The following MADD variants were observed in gnomAD, a reference collection of about 807,000 sequenced individuals.
MADD encodes MAP kinase activating death domain.
In MADD, 109 loss-of-function variants were observed where a neutral mutation model predicts 176.7. The ratio of observed to expected loss-of-function variants is 0.62; its 90% confidence interval spans 0.53 to 0.72. The LOEUF (loss-of-function observed/expected upper bound fraction) is 0.72. Ranked by LOEUF, MADD falls within the 30% of genes least tolerant of loss-of-function variation. The probability of loss-of-function intolerance (pLI) is 0.00; values close to 1 mark genes in which losing one functional copy is unlikely to be tolerated. For missense variants in MADD, 1,914 were observed against 2,045.5 expected, an observed-to-expected ratio of 0.94 and a Z score of 1.24; for synonymous variants, 771 against 771.3, an observed-to-expected ratio of 1.00 and a Z score of 0.01.
At chr11:47,307,317 T>C (rs547800099) in intron 22 of MADD, among the ~76,000 whole-genome samples, 28 of 152,316 alleles carry the variant, frequency 1.8e-4, no homozygotes, top group Admixed American at 1.8e-3. Flanking sequence ...CAGGAAGCCA[T>C]TCAGCTTCAG....
At chr11:47,300,700 G>A (rs1038371418) in intron 22 of MADD, among the ~76,000 whole-genome samples, 4 of 151,974 alleles carry the variant, frequency 2.6e-5, no homozygotes, top group Non-Finnish European at 5.9e-5. Context: ...GTTTCACCAC[G>A]TTGGCCAGGC....
In MADD at chr11:47,289,015, G is replaced by A. The variant is rs1489503020; in HGVS notation, c.2654-376G>A. ...GGAGATTGTTACTGAAGCCGGCCCC[G>A]GGAGTGGTGAAGGTGGGTCTTGCCT... is the stretch of plus-strand genomic sequence containing the variant. On this transcript the variant is annotated intron_variant, in intron 15 of 32. Coordinates refer to ENST00000402192, the Ensembl canonical transcript of MADD. The A allele has an allele frequency of 3.8e-6, 6 of 1,593,834 alleles. No individual in the cohort carries two copies. The highest frequency in any genetic ancestry group is 5.1e-6 in the Non-Finnish European group (6 of 1,174,810).
exon 6 of MADD, chr11:47,278,277 G>A: frequency 1.2e-6 from 2 of 1,609,108 alleles, no homozygotes; most frequent in Non-Finnish European, 1.7e-6. Context: ...GACAGCAATA[G>A]GGTGAGGTTC....
intron 23 of MADD, chr11:47,309,038 T>C (rs764801800): frequency 3.7e-6 from 6 of 1,614,140 alleles, no homozygotes; most frequent in African/African-American, 1.3e-5. Flanking sequence ...AGACCTTTTC[T>C]ATAAGTAACC....
In MADD at chr11:47,293,877, A is replaced by C; in HGVS notation, c.3302-6A>C. ...CACGGAGTAACAGAAGTCTTCCCCT[A>C]CTCAGGGCCTGAAGTAATCAAACCT... On this transcript the variant is annotated splice_polypyrimidine_tract_variant and splice_region_variant and intron_variant, in intron 19 of 32. Transcript: ENST00000402192. 6.2e-6 allele frequency: 10 copies of C among 1,600,742 alleles called. No homozygotes were observed. Among genetic ancestry groups the C allele is most frequent in the Non-Finnish European group, 8.6e-6 (10 of 1,167,880 alleles).
chr11:47,309,987 G>T (rs899812456), intron 25 of MADD, among the ~76,000 whole-genome samples: 1 of 148,216 alleles, frequency 6.7e-6, no homozygotes, highest in South Asian at 2.2e-4. Context: ...GATTACAGGC[G>T]CACACCACCA....
intron 22 of MADD, among the ~76,000 whole-genome samples, chr11:47,304,518 C>T (rs778891134): frequency 2.6e-5 from 4 of 152,140 alleles, no homozygotes; most frequent in Non-Finnish European, 5.9e-5. Context: ...GTGTGAGCCC[C>T]CACGCCTGGC....
chr11:47,280,672 C>A (rs2055733845), intron 7 of MADD, among the ~76,000 whole-genome samples: 1 of 152,204 alleles, frequency 6.6e-6, no homozygotes, highest in South Asian at 2.1e-4. Flanking sequence ...TCAAGCGAAT[C>A]TCTTGCCTCA....
chr11:47,280,486 G>A (rs1018618971), intron 7 of MADD, among the ~76,000 whole-genome samples: 3 of 150,754 alleles, frequency 2.0e-5, no homozygotes, highest in Non-Finnish European at 3.0e-5. Context: ...TGTGTTTTCA[G>A]TCTTGATGAT....
chr11:47,293,867 G>A lies in MADD; in HGVS notation c.3302-16G>A. The A allele has an allele frequency of 6.4e-7, 1 of 1,562,666 alleles. No individual in the cohort carries two copies. Among genetic ancestry groups the A allele is most frequent in the Non-Finnish European group, 8.8e-7 (1 of 1,133,088 alleles). ...AGCCTTTGTGCACGGAGTAACAGAA[G>A]TCTTCCCCTACTCAGGGCCTGAAGT... On this transcript the variant is annotated splice_polypyrimidine_tract_variant and intron_variant, in intron 19 of 32. Coordinates refer to ENST00000402192, the Ensembl canonical transcript of MADD.
chr11:47,295,949 A>G (rs1358449395), exon 22 of MADD: 1 of 1,613,948 alleles, frequency 6.2e-7, no homozygotes, highest in Non-Finnish European at 8.5e-7. Flanking sequence ...TTGAGCAGCA[A>G]TGCAGGTGAT....
intron 27 of MADD, among the ~76,000 whole-genome samples, chr11:47,322,328 C>A (rs886468796): frequency 1.2e-4 from 19 of 152,156 alleles, no homozygotes; most frequent in Admixed American, 4.6e-4. Flanking sequence ...GGATAACTGG[C>A]TGCGCATGGT....
At chr11:47,309,537 G>A (rs765709372) in exon 25 of MADD, 1 of 1,614,218 alleles carries the variant, frequency 6.2e-7, no homozygotes, top group East Asian at 2.2e-5. Flanking sequence ...ATGACCGGAA[G>A]CGCCTGGAAG....
intron 22 of MADD, among the ~76,000 whole-genome samples, chr11:47,306,893 T>G (rs189842334): frequency 6.6e-6 from 1 of 152,220 alleles, no homozygotes; most frequent in East Asian, 1.9e-4. Context: ...AAATGTTTAT[T>G]TATTTACTTT....
rs149414849 is a variant in MADD at position 47,285,098 on chromosome 11, A to G, written c.2315A>G (p.Tyr772Cys). 1 of 1,614,098 alleles carries G rather than the reference A, an allele frequency of 6.2e-7. No individual in the cohort carries two copies. Among genetic ancestry groups the G allele is most frequent in the Non-Finnish European group, 8.5e-7 (1 of 1,180,024 alleles). ...CGCCGGCGAATCTATGACAATCCATACTTCGAGCCCCAATATGGCTTTCCC... is the reference window on the plus strand; with the variant it reads ...CGCCGGCGAATCTATGACAATCCATGCTTCGAGCCCCAATATGGCTTTCCC... The change falls in exon 13 of 33, where the codon TAC (tyrosine) becomes TGC (cysteine). Residue 772 changes from tyrosine (Y) to cysteine (C), a missense_variant. Tyr to Cys is a radical substitution (Grantham distance 194). Coordinates refer to ENST00000402192, the Ensembl canonical transcript of MADD.
At chr11:47,305,932 A>T (rs997913748) in intron 22 of MADD, among the ~76,000 whole-genome samples, 1 of 152,242 alleles carries the variant, frequency 6.6e-6, no homozygotes, top group East Asian at 1.9e-4. Flanking sequence ...CCTGGGGACA[A>T]TGTGCTGCTT....
chr11:47,308,529 G>T, intron 22 of MADD, 62 bp from the exon 25 acceptor site: 1 of 1,220,824 alleles, frequency 8.2e-7, no homozygotes. Flanking sequence ...TGAAGTGCGT[G>T]GTTTCCTTTG....
intron 19 of MADD, chr11:47,292,565 A>C: frequency 1.2e-6 from 2 of 1,614,024 alleles, no homozygotes; most frequent in Non-Finnish European, 1.7e-6. Flanking sequence ...AGCACCAGGA[A>C]GTGAAAAAGC....
At chr11:47,284,182 A>G (rs1481131195) in exon 11 of MADD, 2 of 1,610,224 alleles carry the variant, frequency 1.2e-6, no homozygotes, top group Non-Finnish European at 1.7e-6. Context: ...CTGCAGTGGC[A>G]GTGATAGTAT....
Sources: gnomAD v4.1 joint callset for allele counts (sites outside exome capture counted in the v4.1 genomes callset) on GRCh38, gnomAD v4.1.1 for gene constraint, MANE v1.5 for transcripts, NCBI Gene and HGNC (gene_info 2026-07-23, HGNC 2026-07-21) for gene names.